Variants in SH3BP4 observed in about 807,000 individuals in gnomAD.
The protein encoded by SH3BP4 is SH3 domain binding protein 4, also known as SH3 domain-binding protein 4.
In SH3BP4, 33 loss-of-function variants were observed where a neutral mutation model predicts 65.5. The ratio of observed to expected loss-of-function variants is 0.50; its 90% CI spans 0.38 to 0.67. SH3BP4 has a LOEUF of 0.67. Among genes scored for constraint, SH3BP4 ranks in the 30% least tolerant of loss-of-function variants. The pLI, the probability that SH3BP4 is intolerant of heterozygous loss-of-function variation, is 0.00. For missense variants in SH3BP4, 1,134 were observed against 1,261.4 expected, an observed-to-expected ratio of 0.90 and a Z score of 1.53; for synonymous variants, 552 against 545.5, an observed-to-expected ratio of 1.01 and a Z score of -0.17.
chr2:235,001,039 G>A (rs954945974), intron 2 of SH3BP4, among the ~76,000 whole-genome samples: 1 of 152,250 alleles, frequency 6.6e-6, no homozygotes, highest in African/African-American at 2.4e-5. Flanking sequence ...CCACTTTTGT[G>A]TCTGAGCTGG....
intron 1 of SH3BP4, among the ~76,000 whole-genome samples, chr2:234,960,201 G>T (rs1288654693): frequency 1.3e-5 from 2 of 152,226 alleles, no homozygotes; most frequent in African/African-American, 4.8e-5. Context: ...CAGGGCCTAT[G>T]CCCCATTGCA....
rs751449955 is a variant in SH3BP4, at chr2:235,043,112, G to A, written c.2343G>A (p.Leu781=). Residue 781 remains leucine (L), a synonymous_variant, in exon 4 of 6, where the codon CTG becomes CTA. Transcript: ENST00000392011. ...CTGACGCCCTGGGCTACGTGAACCT[G>A]CCGCTCACCTTTTTCTGCCGGGCAG... ...SFADALGYVN[L]PLTFFCRAEL... 1 of 1,613,630 alleles carries A rather than the reference G, an allele frequency of 6.2e-7. No individual in the cohort carries two copies. Among genetic ancestry groups the A allele is most frequent in the African/African-American group, 1.3e-5 (1 of 74,944 alleles).
At chr2:234,954,414 C>T (rs559022441) in intron 1 of SH3BP4, among the ~76,000 whole-genome samples, 9 of 152,110 alleles carry the variant, frequency 5.9e-5, no homozygotes, top group African/African-American at 1.4e-4. Flanking sequence ...TCCACCAGCA[C>T]GTGGATCTGA....
intron 4 of SH3BP4, among the ~76,000 whole-genome samples, chr2:235,050,265 G>A (rs922442808): frequency 2.0e-5 from 3 of 152,014 alleles, no homozygotes; most frequent in Admixed American, 6.6e-5. Context: ...ACAGGTGCCC[G>A]CCACCACACC....
intron 4 of SH3BP4, 38 bp downstream of exon 4, chr2:235,043,285 T>G: frequency 6.7e-7 from 1 of 1,502,780 alleles, no homozygotes; most frequent in Non-Finnish European, 9.0e-7. Context: ...TCAGGGGTGC[T>G]GCTCAGCAAA....
At chr2:235,023,402 A>C (rs1694902800) in intron 2 of SH3BP4, among the ~76,000 whole-genome samples, 1 of 152,032 alleles carries the variant, frequency 6.6e-6, no homozygotes, top group African/African-American at 2.4e-5. Context: ...CAAAAAAATA[A>C]CTGGACATGG....
At chr2:235,023,112 AG>A (rs1694894626) in intron 2 of SH3BP4, among the ~76,000 whole-genome samples, 2 of 152,238 alleles carry the variant, frequency 1.3e-5, no homozygotes, top group African/African-American at 4.8e-5. Context: ...CACCAGGATT[AG>A]TACACAATTA....
chr2:234,982,410 C>G (rs180672663), intron 1 of SH3BP4, among the ~76,000 whole-genome samples: 11 of 152,246 alleles, frequency 7.2e-5, no homozygotes, highest in African/African-American at 1.4e-4. Flanking sequence ...ACCAGCCTGT[C>G]CAGTAGTGTG....
intron 1 of SH3BP4, among the ~76,000 whole-genome samples, chr2:234,983,083 A>T (rs907868186): frequency 6.6e-6 from 1 of 152,186 alleles, no homozygotes; most frequent in Admixed American, 6.5e-5. Context: ...GCTGCTGAGC[A>T]CTAGTGCAGG....
intron 2 of SH3BP4, among the ~76,000 whole-genome samples, chr2:235,012,094 G>C (rs1397838344): frequency 6.6e-6 from 1 of 152,220 alleles, no homozygotes; most frequent in Non-Finnish European, 1.5e-5. Context: ...GCAGCTTATT[G>C]GTTTAAACAC....
In SH3BP4 at chr2:235,042,362, G is replaced by T. The variant is rs148242042; in HGVS notation, c.1593G>T (p.Leu531Phe). The T allele has an allele frequency of 3.1e-6, 5 of 1,614,138 alleles. No homozygotes were observed. Among genetic ancestry groups the T allele is most frequent in the Non-Finnish European group, 4.2e-6 (5 of 1,180,032 alleles). The change falls in exon 4 of 6, where the codon TTG becomes TTT. Residue 531 changes from leucine (L) to phenylalanine (F), a missense_variant. Leu to Phe is a conservative substitution (Grantham distance 22). Coordinates refer to ENST00000392011, the MANE Select transcript of SH3BP4 (RefSeq NM_014521.3). This position sits in a 1 kb window ranked among gnomAD's most constrained non-coding sequence, Gnocchi z 7.3. Reference sequence around the variant, plus strand: ...TGTGGGGGAAGCACCAGTTCGTTTTGTCCAGGCCCCAGGATCTCAAGGTCT... The same window carrying T: ...TGTGGGGGAAGCACCAGTTCGTTTTTTCCAGGCCCCAGGATCTCAAGGTCT... ...LQLWGKHQFV[L>F]SRPQDLKVCM...
intron 1 of SH3BP4, among the ~76,000 whole-genome samples, chr2:234,953,775 G>C (rs952183281): frequency 6.6e-6 from 1 of 152,066 alleles, no homozygotes; most frequent in Non-Finnish European, 1.5e-5. Context: ...CCAGGAAACA[G>C]ACTCCAGGAA....
intron 1 of SH3BP4, among the ~76,000 whole-genome samples, chr2:234,960,970 T>G (rs1363748898): frequency 1.3e-5 from 2 of 152,326 alleles, no homozygotes; most frequent in South Asian, 2.1e-4. Context: ...AGAAGTTCCT[T>G]TTTCCAGTGG....
chr2:235,050,237 T>A (rs1696005384), intron 4 of SH3BP4, among the ~76,000 whole-genome samples: 1 of 152,106 alleles, frequency 6.6e-6, no homozygotes, highest in South Asian at 2.1e-4. Flanking sequence ...TGCCTCAGCC[T>A]CCTGAGTAGC....
At position 234,956,445 on chromosome 2, in the gene SH3BP4, T is replaced by C. The variant is rs796192060; in HGVS notation, c.-207+4275T>C. ...CTTATCTCAGGGGAGCTCTCTTTGC[T>C]GAAGCCTGTTAGCCCAACTCTTCTG... On this transcript the variant is annotated intron_variant, in intron 1 of 5. Transcript: ENST00000392011. 3.9e-5 allele frequency among the ~76,000 whole-genome samples: 6 copies of C among 152,372 alleles called. No homozygotes were observed. The East Asian group carries it at 7.7e-4, about 20-fold the overall frequency.
At chr2:234,993,077 G>C (rs1693801655) in intron 1 of SH3BP4, among the ~76,000 whole-genome samples, 1 of 152,238 alleles carries the variant, frequency 6.6e-6, no homozygotes, top group Non-Finnish European at 1.5e-5. Flanking sequence ...TGTGAAGGGA[G>C]CTGGGTCCTT....
At chr2:234,998,605 C>G (rs1429571634) in intron 2 of SH3BP4, among the ~76,000 whole-genome samples, 1 of 152,252 alleles carries the variant, frequency 6.6e-6, no homozygotes, top group African/African-American at 2.4e-5. Context: ...CTGACCGCTG[C>G]AGTGGGCATT....
At chr2:235,017,935 T>C (rs1694741007) in intron 2 of SH3BP4, among the ~76,000 whole-genome samples, 1 of 152,200 alleles carries the variant, frequency 6.6e-6, no homozygotes, top group Non-Finnish European at 1.5e-5. Flanking sequence ...CAGAAAGCAC[T>C]GTAGGTACCT....
Position 234,997,953 on chromosome 2 carries a change from T to G in SH3BP4, c.-133+2577T>G, listed in dbSNP as rs1355256611. ...CTGTCTAACACGGTGAAACCCTGTC[T>G]CTACTAAAAATACAAAAAAATTAGC... On this transcript the variant is annotated intron_variant, in intron 2 of 5. Transcript: ENST00000392011. The surrounding 1 kb of genome is among the most constrained non-coding windows in gnomAD (Gnocchi z 4.2). 6.6e-6 allele frequency among the ~76,000 whole-genome samples: 1 copy of G among 151,926 alleles called. No individual in the cohort carries two copies. The highest frequency in any genetic ancestry group is 1.5e-5 in the Non-Finnish European group (1 of 68,002).
Sources: gnomAD v4.1 joint callset for allele counts (sites outside exome capture counted in the v4.1 genomes callset) on GRCh38, gnomAD v4.1.1 for gene constraint, Gnocchi (gnomAD v3.1) non-coding constraint, MANE v1.5 for transcripts, NCBI Gene and HGNC (gene_info 2026-07-23, HGNC 2026-07-21) for gene names.